Variants in PFDN1 observed in about 807,000 individuals in gnomAD.
The protein encoded by PFDN1 is prefoldin subunit 1, also known as prefoldin 1.
A neutral mutation model predicts 17.3 loss-of-function variants in PFDN1; 6 were observed. The ratio of observed to expected loss-of-function variants is 0.35; its 90% CI spans 0.19 to 0.69. The LOEUF is 0.69. PFDN1 is among the 30% of genes least tolerant of loss of function. The pLI is 0.65. For synonymous variants in PFDN1, 58 were observed against 50.1 expected, an observed-to-expected ratio of 1.16 and a Z score of -0.67; for missense variants, 113 against 146.2, an observed-to-expected ratio of 0.77 and a Z score of 1.17.
At chr5:140,272,068 G>A (rs1012217195) in intron 3 of PFDN1, among the ~76,000 whole-genome samples, 2 of 151,634 alleles carry the variant, frequency 1.3e-5, no homozygotes, top group Admixed American at 6.6e-5. Context: ...CGCCCAGGCC[G>A]GAGTGCAATA....
At chr5:140,260,536 G>A (rs376578025) in intron 3 of PFDN1, among the ~76,000 whole-genome samples, 29 of 151,334 alleles carry the variant, frequency 1.9e-4, no homozygotes, top group African/African-American at 7.0e-4. Flanking sequence ...ACTGATACAT[G>A]CTATAACATG....
intron 2 of PFDN1, among the ~76,000 whole-genome samples, chr5:140,294,309 TTACTA>T (rs1464128683): frequency 2.6e-5 from 4 of 152,000 alleles, no homozygotes; most frequent in Admixed American, 2.0e-4. Context: ...TCAATAATAT[TTACTA>T]TACTAAGATT....
intron 3 of PFDN1, among the ~76,000 whole-genome samples, chr5:140,264,374 T>C (rs2126683091): frequency 6.6e-6 from 1 of 152,346 alleles, no homozygotes; most frequent in South Asian, 2.1e-4. Context: ...CAGTCAGGGT[T>C]CAAATTCATA....
intron 3 of PFDN1, among the ~76,000 whole-genome samples, chr5:140,279,306 G>A (rs1395655404): frequency 2.0e-5 from 3 of 151,904 alleles, no homozygotes; most frequent in African/African-American, 7.3e-5. Flanking sequence ...CTTTTATAAT[G>A]TAAGTAACAT....
At chr5:140,253,711 C>G (rs1333321113) in intron 3 of PFDN1, among the ~76,000 whole-genome samples, 1 of 152,224 alleles carries the variant, frequency 6.6e-6, no homozygotes, top group African/African-American at 2.4e-5. Context: ...GCCAGCAAAT[C>G]ACGTCAAGTG....
At chr5:140,265,016 G>A (rs908199870) in intron 3 of PFDN1, among the ~76,000 whole-genome samples, 4 of 152,162 alleles carry the variant, frequency 2.6e-5, no homozygotes, top group Non-Finnish European at 5.9e-5. Context: ...TTCTGCCCAT[G>A]TTAGTACCCA....
chr5:140,279,582 G>GCCTC (rs973381895), intron 3 of PFDN1, among the ~76,000 whole-genome samples: 5 of 151,808 alleles, frequency 3.3e-5, no homozygotes, highest in Non-Finnish European at 7.4e-5. Flanking sequence ...TCCCGCTTCA[G>GCCTC]CCTCCCGTAG....
intron 2 of PFDN1, 123 bp from the exon 3 acceptor site, chr5:140,281,656 A>T: frequency 1.5e-6 from 1 of 646,910 alleles, no homozygotes. Flanking sequence ...TTAACATAAT[A>T]CGTCAAGCTC....
At chr5:140,298,267 ACTT>A (rs1765682832) in intron 2 of PFDN1, among the ~76,000 whole-genome samples, 1 of 152,140 alleles carries the variant, frequency 6.6e-6, no homozygotes, top group Admixed American at 6.5e-5. Context: ...GAGCAGGTCT[ACTT>A]CTCATGATGT....
intron 3 of PFDN1, among the ~76,000 whole-genome samples, chr5:140,271,953 AAT>A (rs922147373): frequency 6.7e-6 from 1 of 148,684 alleles, no homozygotes; most frequent in Admixed American, 6.8e-5. Flanking sequence ...ATATATACAT[AAT>A]ATATATATTT....
intron 3 of PFDN1, among the ~76,000 whole-genome samples, chr5:140,251,307 AAAAT>A (rs768312308): frequency 4.6e-5 from 7 of 152,356 alleles, no homozygotes; most frequent in Admixed American, 3.9e-4. Flanking sequence ...GATTTATAAT[AAAAT>A]AAATAAATAA....
At chr5:140,269,464 A>G (rs1765175636) in intron 3 of PFDN1, among the ~76,000 whole-genome samples, 1 of 152,018 alleles carries the variant, frequency 6.6e-6, no homozygotes, top group Non-Finnish European at 1.5e-5. Flanking sequence ...GATTACAGGC[A>G]TGCGCCACCA....
At chr5:140,302,957 G>T (rs1765770264) in intron 1 of PFDN1, 84 bp downstream of exon 1, 2 of 978,718 alleles carry the variant, frequency 2.0e-6, no homozygotes. Flanking sequence ...CTTCTGCAAG[G>T]CTCGTGCCTC....
At chr5:140,302,980 T>C in intron 1 of PFDN1, 61 bp downstream of exon 1, 1 of 1,159,434 alleles carries the variant, frequency 8.6e-7, no homozygotes, top group Non-Finnish European at 1.3e-6. Context: ...TTGATATTCT[T>C]GTCTATAGTC....
chr5:140,264,241 A>G (rs1765106543), intron 3 of PFDN1, among the ~76,000 whole-genome samples: 1 of 151,304 alleles, frequency 6.6e-6, no homozygotes, highest in Non-Finnish European at 1.5e-5. Context: ...TGATCCAATC[A>G]CCTCCCACCA....
chr5:140,286,500 T>G (rs1236972649), intron 2 of PFDN1, among the ~76,000 whole-genome samples: 1 of 147,364 alleles, frequency 6.8e-6, no homozygotes, highest in Non-Finnish European at 1.5e-5. Flanking sequence ...TAAAAAAGGA[T>G]TTACACAAAG....
At chr5:140,289,348 G>A (rs1765546492) in intron 2 of PFDN1, among the ~76,000 whole-genome samples, 1 of 151,640 alleles carries the variant, frequency 6.6e-6, no homozygotes, top group African/African-American at 2.4e-5. Flanking sequence ...AATAAATAAT[G>A]TAGTACTAGA....
chr5:140,281,599 AC>A, intron 2 of PFDN1, 66 bp from the exon 3 acceptor site: 1 of 784,084 alleles, frequency 1.3e-6, no homozygotes, highest in South Asian at 1.4e-5. Context: ...ATCAATAGCT[AC>A]ATACTACAAA....
intron 2 of PFDN1, chr5:140,292,997 T>C (rs369562097): frequency 2.0e-5 from 3 of 152,182 alleles, no homozygotes; most frequent in South Asian, 2.1e-4. Flanking sequence ...TCAGATTAGA[T>C]AGTAAGTTAT....
Sources: gnomAD v4.1 joint callset for allele counts (sites outside exome capture counted in the v4.1 genomes callset) on GRCh38, gnomAD v4.1.1 for gene constraint, MANE v1.5 for transcripts, NCBI Gene and HGNC (gene_info 2026-07-23, HGNC 2026-07-21) for gene names.